NWD1: variants seen among roughly 807,000 people sequenced by gnomAD.
NWD1 encodes the protein NACHT and WD repeat domain containing 1, also known as NACHT domain- and WD repeat-containing protein 1.
Under a neutral mutation model 135.1 loss-of-function variants are expected in NWD1, and 129 were observed. The observed-to-expected ratio is 0.96, with a 90% CI of 0.83 to 1.11. The LOEUF (loss-of-function observed/expected upper bound fraction) is 1.11, where lower values mean the gene tolerates loss of function less well. Among genes scored for constraint, NWD1 ranks in the 50% least tolerant of loss-of-function variants. The pLI, the probability that NWD1 is intolerant of heterozygous loss-of-function variation, is 0.00. For missense variants in NWD1, 1,740 were observed against 1,851.3 expected, an observed-to-expected ratio of 0.94 and a Z score of 1.10; for synonymous variants, 773 against 786.0, an observed-to-expected ratio of 0.98 and a Z score of 0.28.
At chr19:16,730,476 G>A (rs1054301786) in intron 2 of NWD1, among the ~76,000 whole-genome samples, 1 of 152,090 alleles carries the variant, frequency 6.6e-6, no homozygotes, top group Non-Finnish European at 1.5e-5. Flanking sequence ...TGCTTTGAGA[G>A]GCCAAAGCAA....
chr19:16,749,277 C>T lies in NWD1; in HGVS notation c.635C>T (p.Ala212Val), dbSNP rs777000586. The T allele has an allele frequency of 1.4e-5, 22 of 1,613,914 alleles. No homozygotes were observed. The highest frequency in any genetic ancestry group is 1.1e-4 in the East Asian group (5 of 44,888). The change falls in exon 6 of 19, where the codon GCG becomes GTG. Residue 212 changes from alanine (A) to valine (V), a missense_variant. By Grantham distance (64) the Ala-to-Val change is moderately conservative. Coordinates refer to ENST00000524140, the MANE Select transcript of NWD1 (RefSeq NM_001007525.5). ...GCCCTTAGGATGGTGGACCGGCTCG[C>T]GGATGGCTGCCTGGACGCTGATGCC... Reference protein sequence around the residue: ...DCALRMVDRLADGCLDADAQN... With the variant: ...DCALRMVDRLVDGCLDADAQN...
chr19:16,728,362 A>G (rs556221019), intron 2 of NWD1, among the ~76,000 whole-genome samples: 1 of 138,404 alleles, frequency 7.2e-6, no homozygotes, highest in African/African-American at 2.8e-5. Context: ...TGGACTCACT[A>G]TTACCTCTGT....
intron 2 of NWD1, among the ~76,000 whole-genome samples, chr19:16,725,497 G>A (rs958496536): frequency 7.9e-5 from 12 of 151,816 alleles, no homozygotes; most frequent in African/African-American, 1.7e-4. Context: ...CAAACCTCCT[G>A]CAGGCAAAGA....
chr19:16,721,413 G>T (rs1429765539), intron 1 of NWD1: 1 of 152,200 alleles, frequency 6.6e-6, no homozygotes, highest in Non-Finnish European at 1.5e-5. Context: ...AACCAAGGGA[G>T]CGTGGCCAGG....
intron 4 of NWD1, among the ~76,000 whole-genome samples, chr19:16,742,281 C>T (rs1347015019): frequency 3.3e-5 from 5 of 151,694 alleles, no homozygotes; most frequent in African/African-American, 7.3e-5. Context: ...AGGCTGAGGC[C>T]GGAGAATCAC....
At position 16,773,290 on chromosome 19, in the gene NWD1, C is replaced by G; in HGVS notation, c.2575C>G (p.Pro859Ala). ...LGGFLQPPGG[P>A]LRATLSGCHK... The stretch of plus-strand genomic sequence containing the variant: ...AGGATTCCTCCAGCCCCCGGGAGGA[C>G]CCCTCCGGGCAACTCTCAGCGGCTG... The change falls in exon 11 of 19, where the codon CCC becomes GCC. Residue 859 changes from proline to alanine, a missense_variant. Pro to Ala is a conservative substitution (Grantham distance 27). Coordinates refer to ENST00000524140, the MANE Select transcript of NWD1 (RefSeq NM_001007525.5). 6.2e-7 allele frequency: 1 copy of G among 1,613,106 alleles called. No homozygotes were observed. Among genetic ancestry groups the G allele is most frequent in the Non-Finnish European group, 8.5e-7 (1 of 1,179,914 alleles).
In NWD1 at chr19:16,736,636, C is replaced by T. The variant is rs990443470; in HGVS notation, c.84C>T (p.Val28=). 32 of 1,523,844 alleles carry T rather than the reference C, an allele frequency of 2.1e-5. No homozygotes were observed. The highest frequency in any genetic ancestry group is 4.1e-5 in the African/African-American group (3 of 72,776). The allele number at this position is 1,523,844 out of a possible 1,614,324, so 94.4% of individuals were successfully genotyped here. A position where few individuals can be genotyped will look rare whatever the true frequency, so the allele number is the denominator to read the frequency against. The change falls in exon 4 of 19, where the codon GTC becomes GTT. Residue 28 remains valine, a splice_region_variant and synonymous_variant. Coordinates refer to ENST00000524140, the MANE Select transcript of NWD1 (RefSeq NM_001007525.5). ...FCQRHGLMFE[V]VDLRWGIRNI... ...AAACTTGTGTTTCTATTTCCCAGGT[C>T]GTTGATCTGAGGTGGGGTATTCGGA...
intron 17 of NWD1, among the ~76,000 whole-genome samples, chr19:16,805,685 C>T (rs756600818): frequency 6.6e-6 from 1 of 152,008 alleles, no homozygotes; most frequent in Non-Finnish European, 1.5e-5. Flanking sequence ...ACAAGCACCT[C>T]GAGAATTGTA....
At chr19:16,791,250 G>A (rs979626630) in intron 13 of NWD1, 100 bp from the exon 14 acceptor site, 6 of 1,043,162 alleles carry the variant, frequency 5.8e-6, no homozygotes, top group African/African-American at 4.8e-5. Flanking sequence ...AAAAGAAAAT[G>A]CATAAAGTAT....
At chr19:16,789,376 A>C (rs151282173) in intron 13 of NWD1, among the ~76,000 whole-genome samples, 186 bp downstream of exon 13, 85 of 152,294 alleles carry the variant, frequency 5.6e-4, no homozygotes, top group African/African-American at 1.9e-3. Flanking sequence ...GACAATCCTG[A>C]TAATTCTTTC....
intron 15 of NWD1, among the ~76,000 whole-genome samples, chr19:16,795,939 C>T (rs981333103): frequency 5.3e-5 from 8 of 152,146 alleles, no homozygotes; most frequent in East Asian, 3.9e-4. Flanking sequence ...GCTCTTGTCC[C>T]GTGTCCAAGA....
rs1970814908 is a variant in NWD1, at chr19:16,808,146, C to T, written c.4287+10C>T. The T allele has an allele frequency of 3.7e-6, 6 of 1,610,584 alleles. No homozygotes were observed. The Admixed American group carries it at 6.7e-5, about 18-fold the overall frequency. ...CGAGATGAGCTACACGGTGGGTGGC[C>T]CGCCTCCCCATGTTCATGCTAGACC... On this transcript the variant is annotated intron_variant, in intron 18 of 18. Transcript: ENST00000524140.
intron 6 of NWD1, among the ~76,000 whole-genome samples, chr19:16,757,162 T>C (rs773849): frequency 0.48 from 72,493 of 151,940 alleles, 19,478 homozygotes; most frequent in African/African-American, 0.73. Flanking sequence ...CCATCACCCC[T>C]ACCCTGGTCC....
chr19:16,751,863 GAAGGAAAGAAGAGATA>G (rs1021582219), intron 6 of NWD1, among the ~76,000 whole-genome samples: 1 of 134,902 alleles, frequency 7.4e-6, no homozygotes, highest in Admixed American at 7.2e-5. Context: ...GAAAAAAAAA[GAAGGAAAGAAGAGATA>G]AAGGAAAGAA....
rs376731145 is a variant in NWD1 at position 16,759,232 on chromosome 19, C to G, written c.1777C>G (p.Leu593Val). ...LGYIVSSRHG[L>V]SEAELKDVLS... Reference sequence around the variant, plus strand: ...CACTGGTCCTCCCTTCAGACACGGTCTCTCGGAGGCGGAGCTGAAGGATGT... The same window carrying G: ...CACTGGTCCTCCCTTCAGACACGGTGTCTCGGAGGCGGAGCTGAAGGATGT... Residue 593 changes from leucine (L) to valine (V), a missense_variant, in exon 7 of 19, where the codon CTC (leucine) becomes GTC (valine). Coordinates refer to ENST00000524140, the MANE Select transcript of NWD1 (RefSeq NM_001007525.5). The G allele has an allele frequency of 2.5e-6, 4 of 1,613,590 alleles. No homozygotes were observed. The African/African-American group carries it at 5.3e-5, about 22-fold the overall frequency.
intron 3 of NWD1, among the ~76,000 whole-genome samples, chr19:16,731,767 T>G (rs8101256): frequency 0.57 from 85,456 of 150,966 alleles, 24,844 homozygotes; most frequent in African/African-American, 0.64. Flanking sequence ...ACCACGCCCC[T>G]CTATCCATAC....
At chr19:16,798,718 C>T (rs1970500992) in intron 16 of NWD1, among the ~76,000 whole-genome samples, 1 of 152,134 alleles carries the variant, frequency 6.6e-6, no homozygotes, top group Non-Finnish European at 1.5e-5. Context: ...CCTCGACCTC[C>T]TGGGTTCAAG....
chr19:16,731,601 A>G (rs8112199), intron 3 of NWD1, among the ~76,000 whole-genome samples: 82,397 of 146,068 alleles, frequency 0.56, 23,941 homozygotes, highest in African/African-American at 0.64. Flanking sequence ...CACTGAGCCC[A>G]GCCCCATGCT....
At position 16,741,968 on chromosome 19, in the gene NWD1, G is replaced by A. The variant is rs187520194; in HGVS notation, c.199-2453G>A. Among the ~76,000 whole-genome samples the A allele has an allele frequency of 1.5e-3, 227 of 151,690 alleles. 2 individuals are homozygous for A. The highest frequency in any genetic ancestry group is 5.3e-3 in the African/African-American group (218 of 41,372). On this transcript the variant is annotated intron_variant, in intron 4 of 18. Transcript: ENST00000524140. ...TCTACTAAAAATACAAAAATTAGCC[G>A]GGTGTGGTGGTGGGCGCCTGTAGTC...
Sources: allele counts gnomAD v4.1 joint callset (sites outside exome capture counted in the v4.1 genomes callset), GRCh38; gene constraint gnomAD v4.1.1; transcripts MANE v1.5; gene names NCBI Gene and HGNC (gene_info 2026-07-23, HGNC 2026-07-21).